TLN2: variants seen among roughly 807,000 people sequenced by gnomAD.
TLN2 encodes the protein talin 2, also known as talin-2.
A neutral mutation model predicts 294.7 loss-of-function variants in TLN2; 118 were observed. The ratio of observed to expected loss-of-function variants is 0.40; its 90% CI spans 0.34 to 0.47. The LOEUF (loss-of-function observed/expected upper bound fraction) is 0.47. Ranked by LOEUF, TLN2 falls within the 20% of genes least tolerant of loss-of-function variation. TLN2 has a pLI of 0.84. For synonymous variants in TLN2, 1,431 were observed against 1,304.5 expected, an observed-to-expected ratio of 1.10 and a Z score of -2.09; for missense variants, 3,083 against 3,282.2, an observed-to-expected ratio of 0.94 and a Z score of 1.48.
At chr15:62,571,790 T>C (rs2043882861) in intron 1 of TLN2, among the ~76,000 whole-genome samples, 1 of 152,232 alleles carries the variant, frequency 6.6e-6, no homozygotes, top group Non-Finnish European at 1.5e-5. Context: ...TATTTCAGTA[T>C]ACAACTCTGA....
chr15:62,555,808 C>T (rs2042571198), intron 1 of TLN2, among the ~76,000 whole-genome samples: 1 of 152,112 alleles, frequency 6.6e-6, no homozygotes, highest in Admixed American at 6.5e-5. Flanking sequence ...TTTCTATACT[C>T]TCCTGTTCTA....
intron 25 of TLN2, 29 bp from the exon 26 acceptor site, chr15:62,722,324 C>G (rs777463564): frequency 3.1e-6 from 5 of 1,587,708 alleles, no homozygotes; most frequent in Non-Finnish European, 4.3e-6. Flanking sequence ...GCCCAGGAGC[C>G]ATCTTACTTT....
At chr15:62,768,915 G>A (rs2063183420) in intron 41 of TLN2, among the ~76,000 whole-genome samples, 1 of 152,166 alleles carries the variant, frequency 6.6e-6, no homozygotes. Context: ...CCATTTTACA[G>A]ATAAGGAAAC....
chr15:62,793,998 A>G (rs1169162965), intron 46 of TLN2, among the ~76,000 whole-genome samples: 1 of 151,694 alleles, frequency 6.6e-6, no homozygotes, highest in Non-Finnish European at 1.5e-5. Flanking sequence ...GAGGAAATAA[A>G]TCTCTCAGCT....
intron 54 of TLN2, chr15:62,832,266 G>GGTAA (rs2068945162): frequency 6.6e-6 from 1 of 152,086 alleles, no homozygotes; most frequent in Admixed American, 6.5e-5. Context: ...TGGATAAAAG[G>GGTAA]GTAAGTTTTG....
At chr15:62,754,634 C>T (rs1322514739) in intron 36 of TLN2, 1 of 152,498 alleles carries the variant, frequency 6.6e-6, no homozygotes, top group Non-Finnish European at 1.5e-5. Flanking sequence ...GGCCCACGTT[C>T]TTGAGGCAGG....
At chr15:62,451,588 G>A (rs1226868546) in intron 1 of TLN2, among the ~76,000 whole-genome samples, 2 of 152,182 alleles carry the variant, frequency 1.3e-5, no homozygotes, top group Non-Finnish European at 2.9e-5. Flanking sequence ...ACCCAGAGGC[G>A]GAGGTTGCAG....
chr15:62,792,682 C>T lies in TLN2; in HGVS notation c.5778C>T (p.His1926=), dbSNP rs769000863. 57 of 1,613,798 alleles carry T rather than the reference C, an allele frequency of 3.5e-5. No individual in the cohort carries two copies. Among genetic ancestry groups the T allele is most frequent in the South Asian group, 1.6e-4 (15 of 91,078 alleles). Residue 1926 remains histidine, a synonymous_variant, in exon 46 of 59, where the codon CAC becomes CAT. Coordinates refer to ENST00000636159, the MANE Select transcript of TLN2 (RefSeq NM_015059.3). ...GCACTCGTGTGCAGGACCTGGGCCACGGCTGTATCTTCCTGGTGCAGAAGG... is the reference window on the plus strand; with the variant it reads ...GCACTCGTGTGCAGGACCTGGGCCATGGCTGTATCTTCCTGGTGCAGAAGG... ...QIRTRVQDLG[H]GCIFLVQKAG...
chr15:62,619,188 G>A (rs1596360380), intron 3 of TLN2, among the ~76,000 whole-genome samples: 1 of 152,280 alleles, frequency 6.6e-6, no homozygotes, highest in Middle Eastern at 3.4e-3. Context: ...GGAGGTGAAA[G>A]GAGGGAGGCA....
intron 2 of TLN2, among the ~76,000 whole-genome samples, chr15:62,611,356 G>T (rs1483463669): frequency 1.3e-5 from 2 of 152,206 alleles, no homozygotes; most frequent in East Asian, 3.9e-4. Flanking sequence ...TGGATGCTGG[G>T]TGTTGTAAGA....
intron 3 of TLN2, among the ~76,000 whole-genome samples, chr15:62,622,209 G>A (rs1265436492): frequency 6.6e-6 from 1 of 151,932 alleles, no homozygotes; most frequent in Admixed American, 6.6e-5. Flanking sequence ...TTTGGAGACT[G>A]AGGATCAGAA....
rs746540453 is a variant in TLN2, at chr15:62,740,655, T to C, written c.3911T>C (p.Ile1304Thr). ...AQTKEDQIQV[I>T]GNLKNISMAS... is the part of the protein sequence containing the mutation. Reference sequence around the variant, plus strand: ...ACAAAAGAAGACCAGATCCAAGTGATAGGGAACCTCAAGAATATCTCGATG... The same window carrying C: ...ACAAAAGAAGACCAGATCCAAGTGACAGGGAACCTCAAGAATATCTCGATG... The change falls in exon 32 of 59, where the codon ATA (isoleucine) becomes ACA (threonine). Residue 1304 changes from isoleucine to threonine, a missense_variant. Transcript: ENST00000636159. The C allele has an allele frequency of 6.2e-6, 10 of 1,614,078 alleles. No individual in the cohort carries two copies. The East Asian group carries it at 8.9e-5, about 14-fold the overall frequency.
intron 51 of TLN2, 53 bp from the exon 52 acceptor site, chr15:62,809,872 C>T: frequency 6.4e-7 from 1 of 1,556,252 alleles, no homozygotes; most frequent in Non-Finnish European, 8.8e-7. Context: ...TCTGGGACTG[C>T]CCAATGCTGG....
At chr15:62,746,622 T>G (rs2061627539) in intron 32 of TLN2, among the ~76,000 whole-genome samples, 1 of 152,240 alleles carries the variant, frequency 6.6e-6, no homozygotes, top group Non-Finnish European at 1.5e-5. Context: ...AATTTGATAT[T>G]CTGTGGGAAG....
chr15:62,665,937 T>C (rs1323351243), intron 9 of TLN2, among the ~76,000 whole-genome samples: 1 of 152,206 alleles, frequency 6.6e-6, no homozygotes, highest in Non-Finnish European at 1.5e-5. Flanking sequence ...AGTGAACTTT[T>C]GTCTTGTGTT....
intron 1 of TLN2, among the ~76,000 whole-genome samples, chr15:62,508,376 C>A (rs921611683): frequency 6.6e-6 from 1 of 152,100 alleles, no homozygotes; most frequent in Non-Finnish European, 1.5e-5. Context: ...GCCACCACAC[C>A]CAGCTAATTT....
chr15:62,603,148 T>C (rs2140788552), intron 2 of TLN2, among the ~76,000 whole-genome samples: 1 of 152,276 alleles, frequency 6.6e-6, no homozygotes, highest in South Asian at 2.1e-4. Flanking sequence ...TGCCTCGGCC[T>C]CCCACAGTGC....
intron 1 of TLN2, among the ~76,000 whole-genome samples, chr15:62,505,023 C>A (rs2039529226): frequency 6.6e-6 from 1 of 152,158 alleles, no homozygotes; most frequent in African/African-American, 2.4e-5. Flanking sequence ...GTGGCGCGAT[C>A]TCAGCTCACT....
Position 62,823,888 on chromosome 15 carries a change from C to T in TLN2, c.7002+3278C>T, listed in dbSNP as rs377191117. On this transcript the variant is annotated intron_variant, in intron 54 of 58. Transcript: ENST00000636159. ...TTATCGGAGTTGCTGCAAAAGTGAC[C>T]ACCCCCTGCAGCCGTAACCTTCAAT... The T allele has an allele frequency of 6.4e-6, 3 of 469,484 alleles. No homozygotes were observed. In the East Asian group the frequency reaches 1.9e-4, roughly 29 times the overall value. 29.1% of individuals were successfully genotyped at this position (469,484 alleles called of 1,614,324 possible).
Sources: allele counts gnomAD v4.1 joint callset (sites outside exome capture counted in the v4.1 genomes callset), GRCh38; gene constraint gnomAD v4.1.1; transcripts MANE v1.5; gene names NCBI Gene and HGNC (gene_info 2026-07-23, HGNC 2026-07-21).